KANSL1L: variants seen among roughly 807,000 people sequenced by gnomAD.
The protein encoded by KANSL1L is KAT8 regulatory NSL complex subunit 1 like.
A neutral mutation model predicts 108.6 loss-of-function variants in KANSL1L; 25 were observed. The ratio of observed to expected loss-of-function variants is 0.23; its 90% confidence interval spans 0.17 to 0.32. The LOEUF is 0.32. Among genes scored for constraint, KANSL1L ranks in the 10% least tolerant of loss-of-function variants. The pLI is 1.00. For synonymous variants in KANSL1L, 405 were observed against 395.1 expected (o/e 1.03, Z -0.30); for missense variants, 1,137 against 1,125.7 (o/e 1.01, Z -0.14).
chr2:210,157,318 A>C (rs928019815), intron 1 of KANSL1L, among the ~76,000 whole-genome samples: 1 of 152,220 alleles, frequency 6.6e-6, no homozygotes, highest in Non-Finnish European at 1.5e-5. Flanking sequence ...ACTAGCGAGC[A>C]GCAGAGACAG....
At chr2:210,056,453 T>A (rs1003153727) in intron 6 of KANSL1L, among the ~76,000 whole-genome samples, 1 of 152,142 alleles carries the variant, frequency 6.6e-6, no homozygotes, top group African/African-American at 2.4e-5. Context: ...TCATTCACAT[T>A]TGATGAGGAT....
intron 3 of KANSL1L, among the ~76,000 whole-genome samples, chr2:210,108,634 A>G (rs933016924): frequency 1.1e-4 from 16 of 151,922 alleles, no homozygotes; most frequent in African/African-American, 3.9e-4. Flanking sequence ...AACGTGTGAA[A>G]TTATATCCTT....
chr2:210,069,960 C>T (rs1394761856), intron 6 of KANSL1L, among the ~76,000 whole-genome samples: 3 of 150,590 alleles, frequency 2.0e-5, no homozygotes, highest in Non-Finnish European at 4.4e-5. Context: ...TCCCGAGTAG[C>T]TGGGATTACA....
At chr2:210,120,118 G>A (rs148859975) in intron 3 of KANSL1L, among the ~76,000 whole-genome samples, 197 of 152,260 alleles carry the variant, frequency 1.3e-3, no homozygotes, top group African/African-American at 4.1e-3. Flanking sequence ...GGCCAGGCAC[G>A]GTGGCTCACA....
intron 1 of KANSL1L, among the ~76,000 whole-genome samples, chr2:210,166,809 G>C (rs964539716): frequency 6.6e-6 from 1 of 151,976 alleles, no homozygotes; most frequent in African/African-American, 2.4e-5. Context: ...CCCTGAAGTA[G>C]GGTCAAATAA....
chr2:210,161,217 A>T lies in KANSL1L; in HGVS notation c.-29-6606T>A, dbSNP rs560114369. 2.6e-5 allele frequency among the ~76,000 whole-genome samples: 4 copies of T among 152,046 alleles called. No individual in the cohort carries two copies. In the East Asian group the frequency reaches 7.7e-4, roughly 29 times the overall value. ...TGGCCAGGCTGGTCTTAAACTCCTG[A>T]CCTCAGGTGATCTGCCTACCTCAGC... On this transcript the variant is annotated intron_variant, in intron 1 of 14. Coordinates refer to ENST00000281772, the MANE Select transcript of KANSL1L (RefSeq NM_152519.4).
chr2:210,128,921 C>T lies in KANSL1L; in HGVS notation c.1230+110G>A, dbSNP rs544069632. ...AATATATCAAAAATTTTAACATAAA[C>T]TGGCTACATTTTTATAAAACCTTGT... On this transcript the variant is annotated intron_variant, in intron 3 of 14. Transcript: ENST00000281772. 4.2e-5 allele frequency: 36 copies of T among 848,350 alleles called. No homozygotes were observed. In the African/African-American group the frequency reaches 5.2e-4, roughly 12 times the overall value. 52.6% of individuals were successfully genotyped at this position (848,350 alleles called of 1,614,324 possible). A position where few individuals can be genotyped will look rare whatever the true frequency, so the allele number is the denominator to read the frequency against.
intron 6 of KANSL1L, among the ~76,000 whole-genome samples, chr2:210,069,102 CT>C (rs1371609693): frequency 6.6e-6 from 1 of 152,182 alleles, no homozygotes; most frequent in Non-Finnish European, 1.5e-5. Context: ...AAATCCTACA[CT>C]TTACTTGGAA....
chr2:210,024,080 G>C lies in KANSL1L; in HGVS notation c.2686C>G (p.Leu896Val), dbSNP rs750010949. Residue 896 changes from leucine (L) to valine (V), a missense_variant, in exon 14 of 15, where the codon CTG (leucine) becomes GTG (valine). Physicochemically the swap from Leu to Val is conservative, Grantham distance 32 (BLOSUM62 1). Transcript: ENST00000281772. ...PPGLPSENQDLCAYGLPSLNQ... is the reference protein window; with the variant it reads ...PPGLPSENQDVCAYGLPSLNQ... ...AAAGAAGGTAAGCCATATGCACACA[G>C]ATCCTGGTTCTCTGAAGGAAGCCCA... 8.2e-5 allele frequency: 132 copies of C among 1,607,418 alleles called. No individual in the cohort carries two copies. The highest frequency in any genetic ancestry group is 4.9e-4 in the Middle Eastern group (3 of 6,066).
At chr2:210,026,648 A>AAACTT (rs1286991957) in intron 12 of KANSL1L, among the ~76,000 whole-genome samples, 6 of 152,210 alleles carry the variant, frequency 3.9e-5, no homozygotes, top group Non-Finnish European at 4.4e-5. Context: ...AATGGCATTT[A>AAACTT]AACTTAAATA....
intron 4 of KANSL1L, among the ~76,000 whole-genome samples, chr2:210,103,446 G>C (rs2094815851): frequency 6.6e-6 from 1 of 152,048 alleles, no homozygotes; most frequent in Non-Finnish European, 1.5e-5. Context: ...TTGTGCACAT[G>C]TACCCTAGAA....
At position 210,171,359 on chromosome 2, in the gene KANSL1L, C is replaced by G. The variant is rs959741690; in HGVS notation, c.-240G>C. On this transcript the variant is annotated 5_prime_UTR_variant, in exon 1 of 15. Transcript: ENST00000281772. ...CGCCGCCGCGGTTTAACAGTCCGCC[C>G]GCTGCCCGCAGCTCCGTGCGGCTCG... 6.9e-4 allele frequency: 121 copies of G among 175,242 alleles called. 2 individuals carry two copies. The East Asian group carries it at 0.014, about 21-fold the overall frequency. 10.9% of individuals were successfully genotyped at this position (175,242 alleles called of 1,614,324 possible).
At chr2:210,148,156 C>T (rs1157117210) in intron 2 of KANSL1L, among the ~76,000 whole-genome samples, 1 of 152,046 alleles carries the variant, frequency 6.6e-6, no homozygotes, top group Non-Finnish European at 1.5e-5. Context: ...TTTTCCCCAA[C>T]ATTTGAAACA....
At chr2:210,072,347 C>T (rs2094513580) in intron 6 of KANSL1L, among the ~76,000 whole-genome samples, 1 of 152,160 alleles carries the variant, frequency 6.6e-6, no homozygotes, top group Admixed American at 6.5e-5. Context: ...ACAGTGTTAT[C>T]CTCCCTCACA....
chr2:210,116,853 A>C (rs930362201), intron 3 of KANSL1L, among the ~76,000 whole-genome samples: 3 of 152,184 alleles, frequency 2.0e-5, no homozygotes, highest in Non-Finnish European at 2.9e-5. Context: ...CTATGAGTAT[A>C]AAGAACACCC....
At position 210,025,712 on chromosome 2, in the gene KANSL1L, T is replaced by C. The variant is rs1057314901; in HGVS notation, c.2452-496A>G. Among the ~76,000 whole-genome samples the C allele has an allele frequency of 2.0e-5, 3 of 152,286 alleles. No homozygotes were observed. The South Asian group carries it at 6.2e-4, about 32-fold the overall frequency. ...AGGGGAGTCAAAATTTTTTAAAAATTATTTCATTATTGTTATTTTTAGACA... is the reference window on the plus strand; with the variant it reads ...AGGGGAGTCAAAATTTTTTAAAAATCATTTCATTATTGTTATTTTTAGACA... On this transcript the variant is annotated intron_variant, in intron 12 of 14. Transcript: ENST00000281772.
At chr2:210,080,314 A>C (rs2094579894) in intron 5 of KANSL1L, 1 of 152,142 alleles carries the variant, frequency 6.6e-6, no homozygotes, top group Admixed American at 6.6e-5. Flanking sequence ...CTCATCTTGC[A>C]TGATGCTTTC....
chr2:210,079,611 T>A (rs1444465768), intron 5 of KANSL1L, among the ~76,000 whole-genome samples: 2 of 33,594 alleles, frequency 6.0e-5, no homozygotes, highest in Non-Finnish European at 1.0e-4. Flanking sequence ...AATATGTATG[T>A]GTATATATAT....
chr2:210,120,207 C>G (rs2095001457), intron 3 of KANSL1L, among the ~76,000 whole-genome samples: 2 of 151,950 alleles, frequency 1.3e-5, no homozygotes, highest in South Asian at 2.1e-4. Context: ...CTGGGCAACA[C>G]AGTGAAACCC....
Sources: gnomAD v4.1 joint callset for allele counts (sites outside exome capture counted in the v4.1 genomes callset) on GRCh38, gnomAD v4.1.1 for gene constraint, MANE v1.5 for transcripts, NCBI Gene and HGNC (gene_info 2026-07-23, HGNC 2026-07-21) for gene names.